Variants in DIAPH2 observed in about 807,000 individuals in gnomAD.
DIAPH2 encodes diaphanous related formin 2.
A neutral mutation model predicts 92.7 loss-of-function variants in DIAPH2; 35 were observed. That is an observed-to-expected ratio of 0.38 (90% CI 0.29 to 0.50). The LOEUF is 0.50. Ranked by LOEUF, DIAPH2 falls within the 20% of genes least tolerant of loss-of-function variation. The pLI is 0.94. For missense variants in DIAPH2, 701 were observed against 819.5 expected (o/e 0.86, Z 1.77); for synonymous variants, 301 against 280.4 (o/e 1.07, Z -0.73).
chrX:96,885,449 CAA>C (rs60706314), intron 5 of DIAPH2: 1,673 of 34,231 alleles, frequency 0.049, 6 homozygotes, highest in African/African-American at 0.081. Context: ...AGCGAAAAGA[CAA>C]AAAAAAAAAA....
At chrX:97,469,912 C>G in intron 26 of DIAPH2, 1 of 829,005 alleles carries the variant, frequency 1.2e-6, no homozygotes, top group Non-Finnish European at 1.6e-6. Flanking sequence ...CCCCTTAATA[C>G]CGATTTCATG....
At chrX:97,329,662 GGAGAGCACATGT>G (rs1431567981) in intron 23 of DIAPH2, among the ~76,000 whole-genome samples, 2 of 110,792 alleles carry the variant, frequency 1.8e-5, no homozygotes, top group African/African-American at 6.6e-5. Flanking sequence ...ATTACAAAAG[GGAGAGCACATGT>G]GAGGGAACGA....
rs1455817343 is a variant in DIAPH2 at position 97,328,485 on chromosome X, A to G, written c.2845-19631A>G. ...AACAACTATGTTATTAGCTCCTTAA[A>G]TTATAAGTCATTTCATTGCTTTCTC... On this transcript the variant is annotated intron_variant, in intron 23 of 26. Coordinates refer to ENST00000324765, the MANE Select transcript of DIAPH2 (RefSeq NM_006729.5). Among the ~76,000 whole-genome samples the G allele has an allele frequency of 2.7e-5, 3 of 111,244 alleles. No homozygotes were observed. In the South Asian group the frequency reaches 1.1e-3, roughly 43 times the overall value.
intron 17 of DIAPH2, among the ~76,000 whole-genome samples, chrX:96,990,857 T>C (rs190802061): frequency 3.6e-5 from 4 of 111,312 alleles, no homozygotes; most frequent in African/African-American, 1.3e-4. Flanking sequence ...TTCTCTCTTT[T>C]CTCAGTAACC....
chrX:97,546,147 C>T (rs1481197225), intron 26 of DIAPH2, among the ~76,000 whole-genome samples: 1 of 110,981 alleles, frequency 9.0e-6, no homozygotes. Flanking sequence ...TTTCTAAAAG[C>T]AAGGAATCCT....
intron 26 of DIAPH2, among the ~76,000 whole-genome samples, chrX:97,514,833 G>T (rs2070929300): frequency 9.0e-6 from 1 of 111,316 alleles, no homozygotes; most frequent in East Asian, 2.8e-4. Context: ...GGGGTCAGAG[G>T]TCAGGGACCC....
chrX:96,943,725 G>A (rs1046738891), intron 13 of DIAPH2, among the ~76,000 whole-genome samples: 3 of 110,991 alleles, frequency 2.7e-5, no homozygotes, highest in Admixed American at 1.9e-4. Context: ...ATTTAGTCAA[G>A]TAGTATTCAG....
chrX:97,129,096 C>CTTTTCTT (rs2067113413), intron 21 of DIAPH2, among the ~76,000 whole-genome samples: 1 of 56,359 alleles, frequency 1.8e-5, no homozygotes, highest in Non-Finnish European at 3.1e-5. Flanking sequence ...ACCATCTTTT[C>CTTTTCTT]TTTTCTTTTC....
At chrX:96,957,054 T>G (rs1033153744) in intron 15 of DIAPH2, among the ~76,000 whole-genome samples, 2 of 112,775 alleles carry the variant, frequency 1.8e-5, no homozygotes, top group Non-Finnish European at 3.7e-5. Context: ...GGAGTCTCGC[T>G]CTGTCACCAA....
intron 22 of DIAPH2, among the ~76,000 whole-genome samples, chrX:97,226,359 G>GTT (rs1351538495): frequency 9.2e-6 from 1 of 108,981 alleles, no homozygotes; most frequent in African/African-American, 3.4e-5. Flanking sequence ...TTTGTTTTTT[G>GTT]TTTTATTTTG....
At chrX:97,368,241 CTAATAAGACTTGTTCTT>C (rs1382599610) in intron 24 of DIAPH2, among the ~76,000 whole-genome samples, 2 of 112,202 alleles carry the variant, frequency 1.8e-5, no homozygotes, top group Non-Finnish European at 3.8e-5. Flanking sequence ...TGGAAGATAT[CTAATAAGACTTGTTCTT>C]TAAATACATA....
chrX:97,585,063 G>T (rs760870280), intron 26 of DIAPH2, among the ~76,000 whole-genome samples: 27 of 111,637 alleles, frequency 2.4e-4, no homozygotes, highest in South Asian at 7.6e-4. Context: ...AATGTTGCTT[G>T]GCTTTTACGT....
At chrX:97,372,190 G>C (rs1974943953) in intron 24 of DIAPH2, among the ~76,000 whole-genome samples, 1 of 112,459 alleles carries the variant, frequency 8.9e-6, no homozygotes, top group Non-Finnish European at 1.9e-5. Flanking sequence ...TGTTTCTGCA[G>C]TTGTAAGGCA....
At chrX:97,004,588 G>C (rs1337020014) in intron 17 of DIAPH2, among the ~76,000 whole-genome samples, 2 of 110,979 alleles carry the variant, frequency 1.8e-5, no homozygotes, top group Non-Finnish European at 3.8e-5. Flanking sequence ...CTACTTTCTT[G>C]ACTTATTTTT....
intron 22 of DIAPH2, among the ~76,000 whole-genome samples, chrX:97,212,583 G>GTTT (rs1491121001): frequency 1.2e-5 from 1 of 80,004 alleles, no homozygotes. Context: ...GAATCTTAGG[G>GTTT]TTTTTTGTTT....
chrX:96,917,773 G>A (rs148630916), intron 8 of DIAPH2, among the ~76,000 whole-genome samples: 4,254 of 109,970 alleles, frequency 0.039, 103 homozygotes, highest in Middle Eastern at 0.088. Flanking sequence ...CCTTTTTAGA[G>A]TCTTTTTTCT....
chrX:97,139,816 G>A (rs2067197945), intron 21 of DIAPH2, among the ~76,000 whole-genome samples: 1 of 109,968 alleles, frequency 9.1e-6, no homozygotes, highest in Non-Finnish European at 1.9e-5. Flanking sequence ...AAACTGAAAT[G>A]TTTTTTAATA....
chrX:97,030,785 C>T (rs892722935), intron 17 of DIAPH2, among the ~76,000 whole-genome samples: 1 of 111,364 alleles, frequency 9.0e-6, no homozygotes, highest in African/African-American at 3.3e-5. Context: ...TTACATTAAC[C>T]TCTGGATTTT....
At chrX:97,414,597 G>A (rs1328274411) in intron 25 of DIAPH2, among the ~76,000 whole-genome samples, 1 of 104,758 alleles carries the variant, frequency 9.5e-6, no homozygotes, top group African/African-American at 3.5e-5. Flanking sequence ...TTCTTGCAGT[G>A]AGTGGGAGAT....
Sources: gnomAD v4.1 joint callset for allele counts (sites outside exome capture counted in the v4.1 genomes callset) on GRCh38, gnomAD v4.1.1 for gene constraint, MANE v1.5 for transcripts, NCBI Gene and HGNC (gene_info 2026-07-23, HGNC 2026-07-21) for gene names.